The following IL1RAPL2 variants were observed in gnomAD, a reference collection of about 807,000 sequenced individuals.
The protein encoded by IL1RAPL2 is X-linked interleukin-1 receptor accessory protein-like 2.
In IL1RAPL2, 3 loss-of-function variants were observed where a neutral mutation model predicts 44.1. The ratio of observed to expected loss-of-function variants is 0.07; its 90% CI spans 0.03 to 0.18. The LOEUF is 0.18. IL1RAPL2 is among the 10% of genes least tolerant of loss of function. IL1RAPL2 has a pLI of 1.00. For missense variants in IL1RAPL2, 391 were observed against 496.4 expected (o/e 0.79, Z 2.02); for synonymous variants, 181 against 178.8 (o/e 1.01, Z -0.10).
chrX:104,725,000 A>G (rs1377255385), intron 2 of IL1RAPL2, among the ~76,000 whole-genome samples: 1 of 111,101 alleles, frequency 9.0e-6, no homozygotes, highest in Non-Finnish European at 1.9e-5. Flanking sequence ...CTCGTCAACT[A>G]CATTAGGTAT....
At chrX:104,571,538 A>C (rs777714458) in intron 1 of IL1RAPL2, among the ~76,000 whole-genome samples, 1 of 111,301 alleles carries the variant, frequency 9.0e-6, no homozygotes, top group African/African-American at 3.3e-5. Flanking sequence ...ACAAGATCTG[A>C]TGGTTTTATA....
intron 2 of IL1RAPL2, among the ~76,000 whole-genome samples, chrX:105,057,882 A>G (rs1030216170): frequency 2.0e-5 from 2 of 101,150 alleles, no homozygotes; most frequent in Admixed American, 2.1e-4. Flanking sequence ...GCTGGGTTCA[A>G]GGGATTCTTC....
intron 6 of IL1RAPL2, among the ~76,000 whole-genome samples, chrX:105,635,445 G>A (rs773166008): frequency 3.6e-5 from 4 of 111,567 alleles, no homozygotes; most frequent in Non-Finnish European, 7.6e-5. Context: ...TGGGTGCCAC[G>A]GAAGGTCAGG....
intron 2 of IL1RAPL2, among the ~76,000 whole-genome samples, chrX:104,885,453 G>T (rs1410000343): frequency 9.0e-6 from 1 of 111,696 alleles, no homozygotes; most frequent in Non-Finnish European, 1.9e-5. Context: ...GTGGCTATGG[G>T]AGGCCTTAAG....
intron 6 of IL1RAPL2, among the ~76,000 whole-genome samples, chrX:105,658,735 A>T (rs1431827986): frequency 1.8e-5 from 2 of 108,584 alleles, no homozygotes; most frequent in Non-Finnish European, 3.8e-5. Flanking sequence ...TGGGCAGATC[A>T]TGAGGTCAGG....
intron 4 of IL1RAPL2, among the ~76,000 whole-genome samples, chrX:105,255,680 C>G (rs1352590863): frequency 8.9e-6 from 1 of 111,765 alleles, no homozygotes; most frequent in Non-Finnish European, 1.9e-5. Flanking sequence ...GCCAGAACTT[C>G]CAATACTACA....
chrX:105,340,333 C>A (rs1751376903), intron 5 of IL1RAPL2, among the ~76,000 whole-genome samples: 1 of 111,477 alleles, frequency 9.0e-6, no homozygotes, highest in South Asian at 3.8e-4. Flanking sequence ...TTTCCAGAAT[C>A]TGAGGACTCC....
chrX:105,055,386 A>T lies in IL1RAPL2; in HGVS notation c.83-140089A>T, dbSNP rs765398157. Among the ~76,000 whole-genome samples the T allele has an allele frequency of 1.8e-5, 2 of 112,173 alleles. 1 individual carries two copies. Among genetic ancestry groups the T allele is most frequent in the Admixed American group, 1.9e-4 (2 of 10,562 alleles). On this transcript the variant is annotated intron_variant, in intron 2 of 10. Transcript: ENST00000372582. ...TTTCAACATACGAATGTTGGGGGAA[A>T]CACAAATATTCAGTCTATAGCAATA...
intron 3 of IL1RAPL2, among the ~76,000 whole-genome samples, chrX:105,205,925 G>C (rs1483811325): frequency 9.0e-6 from 1 of 110,597 alleles, no homozygotes; most frequent in Non-Finnish European, 1.9e-5. Context: ...TAGTTGAGGA[G>C]AGATGTGATG....
At chrX:104,641,482 G>A (rs1327141594) in intron 1 of IL1RAPL2, among the ~76,000 whole-genome samples, 2 of 112,000 alleles carry the variant, frequency 1.8e-5, no homozygotes, top group African/African-American at 3.2e-5. Flanking sequence ...ACTGGAGAGG[G>A]TGGGACTGTC....
At chrX:105,259,503 T>C (rs1267285090) in intron 4 of IL1RAPL2, among the ~76,000 whole-genome samples, 1 of 111,353 alleles carries the variant, frequency 9.0e-6, no homozygotes, top group Non-Finnish European at 1.9e-5. Flanking sequence ...AAGGATCATT[T>C]GCTTGTCTCC....
intron 2 of IL1RAPL2, among the ~76,000 whole-genome samples, chrX:104,682,584 G>A (rs1930907308): frequency 8.9e-6 from 1 of 112,187 alleles, no homozygotes; most frequent in East Asian, 2.8e-4. Flanking sequence ...TGGGAAGACT[G>A]TCAGTGGACT....
chrX:105,443,522 C>T (rs978346440), intron 5 of IL1RAPL2, among the ~76,000 whole-genome samples: 4 of 111,777 alleles, frequency 3.6e-5, no homozygotes, highest in African/African-American at 6.5e-5. Flanking sequence ...CCTAGCCTCT[C>T]GTAACCATAC....
intron 5 of IL1RAPL2, among the ~76,000 whole-genome samples, chrX:105,463,691 A>C (rs1412964947): frequency 9.0e-6 from 1 of 111,525 alleles, no homozygotes; most frequent in Non-Finnish European, 1.9e-5. Flanking sequence ...TCCTTCTAGG[A>C]GGTAAGATTT....
chrX:104,904,665 G>C (rs1471719102), intron 2 of IL1RAPL2, among the ~76,000 whole-genome samples: 1 of 109,936 alleles, frequency 9.1e-6, no homozygotes, highest in Admixed American at 9.7e-5. Context: ...GTATTCCATG[G>C]TGTATATGTG....
At chrX:104,653,279 C>T (rs1478372040) in intron 1 of IL1RAPL2, among the ~76,000 whole-genome samples, 1 of 111,686 alleles carries the variant, frequency 9.0e-6, no homozygotes, top group East Asian at 2.8e-4. Flanking sequence ...ATGCAGTTAC[C>T]TAGTCCAGCT....
At chrX:105,218,825 C>G in intron 3 of IL1RAPL2, 1 of 534,508 alleles carries the variant, frequency 1.9e-6, no homozygotes, top group Non-Finnish European at 3.1e-6. Context: ...CGTAAAGGTA[C>G]CATTGTCTCA....
At chrX:105,435,944 G>A (rs2035879241) in intron 5 of IL1RAPL2, among the ~76,000 whole-genome samples, 1 of 110,923 alleles carries the variant, frequency 9.0e-6, no homozygotes, top group African/African-American at 3.3e-5. Flanking sequence ...ATGCATGCGG[G>A]GCTTAATACC....
intron 2 of IL1RAPL2, among the ~76,000 whole-genome samples, chrX:104,843,295 C>T (rs1921959153): frequency 8.9e-6 from 1 of 111,917 alleles, no homozygotes. Flanking sequence ...CAGACTTCTG[C>T]ACTGGCTGTG....
Sources: allele counts gnomAD v4.1 joint callset (sites outside exome capture counted in the v4.1 genomes callset), GRCh38; gene constraint gnomAD v4.1.1; transcripts MANE v1.5; gene names NCBI Gene and HGNC (gene_info 2026-07-23, HGNC 2026-07-21).